Variants in OPRM1 observed in about 807,000 individuals in gnomAD.
OPRM1 encodes the protein opioid receptor mu 1.
In OPRM1, 27 loss-of-function variants were observed where a neutral mutation model predicts 31.8. The observed-to-expected ratio is 0.85, with a 90% CI of 0.63 to 1.17. The LOEUF (loss-of-function observed/expected upper bound fraction) is 1.17, where lower values mean the gene tolerates loss of function less well. OPRM1 is among the 50% of genes most tolerant of loss of function. The probability of loss-of-function intolerance (pLI) is 0.00; values close to 1 mark genes in which losing one functional copy is unlikely to be tolerated. For missense variants in OPRM1, 536 were observed against 511.1 expected (o/e 1.05, Z -0.47); for synonymous variants, 196 against 189.9 (o/e 1.03, Z -0.26).
chr6:154,082,382 A>G (rs890590316), intron 1 of OPRM1, among the ~76,000 whole-genome samples: 5 of 152,190 alleles, frequency 3.3e-5, no homozygotes, highest in African/African-American at 1.2e-4. Context: ...CATTACCAAA[A>G]GTGTATATTA....
rs372250039 is a variant in OPRM1, at chr6:154,184,045, CT to C, written c.1165-62647del. On this transcript the variant is annotated intron_variant, in intron 3 of 3. Coordinates refer to the OPRM1 transcript ENST00000337049. ...GTCACTATGCTGCATATTCGATCCC[CT>C]GAGCTTATTCATTTTATAGCTGAAA... 5.9e-3 allele frequency among the ~76,000 whole-genome samples: 902 copies of C among 152,224 alleles called. 12 individuals carry two copies. The highest frequency in any genetic ancestry group is 0.021 in the African/African-American group (862 of 41,570).
chr6:154,024,183 A>C (rs1452493565), intron 1 of OPRM1, among the ~76,000 whole-genome samples: 2 of 151,886 alleles, frequency 1.3e-5, no homozygotes, highest in African/African-American at 4.8e-5. Flanking sequence ...GCTTTTCTTT[A>C]CCGGGAGAAC....
At chr6:154,246,865 AC>A in exon 4 of OPRM1, 4 of 1,254,910 alleles carry the variant, frequency 3.2e-6, no homozygotes, top group South Asian at 2.2e-5. Context: ...TTAATTGTTA[AC>A]CCCCCGGGGA....
chr6:154,240,948 ATAGT>A (rs1269428044), intron 3 of OPRM1, among the ~76,000 whole-genome samples: 1 of 152,114 alleles, frequency 6.6e-6, no homozygotes, highest in African/African-American at 2.4e-5. Context: ...TATGAAATAG[ATAGT>A]TGGGGCCAGG....
chr6:154,089,794 C>G, intron 1 of OPRM1, 32 bp from the exon 2 acceptor site: 1 of 1,475,308 alleles, frequency 6.8e-7, no homozygotes, highest in African/African-American at 1.4e-5. Context: ...GTGTCTTTTA[C>G]TGATTCTCAC....
intron 3 of OPRM1, among the ~76,000 whole-genome samples, chr6:154,175,625 G>A (rs1381249007): frequency 6.6e-6 from 1 of 152,140 alleles, no homozygotes; most frequent in Non-Finnish European, 1.5e-5. Flanking sequence ...AAACCAGGAA[G>A]AAGTTGAATC....
Position 154,090,163 on chromosome 6 carries a change from A to C in OPRM1, c.628A>C (p.Thr210Pro), listed in dbSNP as rs370533711. The C allele has an allele frequency of 1.9e-6, 3 of 1,611,544 alleles. No individual in the cohort carries two copies. In the South Asian group the frequency reaches 3.3e-5, roughly 18 times the overall value. Residue 210 changes from threonine to proline, a missense_variant, in exon 2 of 4, where the codon ACA (threonine) becomes CCA (proline). Thr to Pro is a conservative substitution (Grantham distance 38, BLOSUM62 -1). Transcript: ENST00000330432. ...IGLPVMFMAT[T>P]KYRQGSIDCT... ...TCTTCCTGTAATGTTCATGGCTACA[A>C]CAAAATACAGGCAAGGTGAGTGATG... is the stretch of plus-strand genomic sequence containing the variant.
At chr6:154,054,301 G>A (rs1009085660) in intron 1 of OPRM1, among the ~76,000 whole-genome samples, 4 of 150,880 alleles carry the variant, frequency 2.7e-5, no homozygotes, top group East Asian at 2.0e-4. Flanking sequence ...CCCGGGAGGC[G>A]GAGCTTGTAG....
At chr6:154,153,323 A>G (rs2128542508) in intron 3 of OPRM1, among the ~76,000 whole-genome samples, 1 of 152,280 alleles carries the variant, frequency 6.6e-6, no homozygotes, top group East Asian at 1.9e-4. Context: ...TAGGCTGCAA[A>G]TCAACTGACC....
Position 154,152,296 on chromosome 6 carries a change from G to GAAGA in OPRM1, c.1164+60872_1164+60875dup, listed in dbSNP as rs1165338713. Among the ~76,000 whole-genome samples, 73 of 96,598 alleles carry GAAGA rather than the reference G, an allele frequency of 7.6e-4. 1 individual carries two copies. Among genetic ancestry groups the GAAGA allele is most frequent in the African/African-American group, 1.6e-3 (37 of 23,692 alleles). The allele number at this position is 96,598 out of a possible 152,430, so 63.4% of individuals were successfully genotyped here. A position where few individuals can be genotyped will look rare whatever the true frequency, so the allele number is the denominator to read the frequency against. ...AAGAAAAGGAAAGAAAAGGAAGAGA[G>GAAGA]AAGAAAGAAAGAAAGAAAGAAAGAA... On this transcript the variant is annotated intron_variant, in intron 3 of 3. Transcript: ENST00000337049.
chr6:154,177,910 CTAGA>C (rs1255870834), intron 3 of OPRM1, among the ~76,000 whole-genome samples: 13 of 152,120 alleles, frequency 8.5e-5, no homozygotes, highest in African/African-American at 2.9e-4. Flanking sequence ...CAATAATAGA[CTAGA>C]TAAAGACAAT....
At chr6:154,159,731 G>A in intron 3 of OPRM1, 2 of 883,528 alleles carry the variant, frequency 2.3e-6, no homozygotes, top group Non-Finnish European at 3.6e-6. Flanking sequence ...TGAAGGACTG[G>A]GTTTCAGTTT....
At chr6:154,017,440 G>A (rs1049602730) in intron 1 of OPRM1, among the ~76,000 whole-genome samples, 3 of 152,072 alleles carry the variant, frequency 2.0e-5, no homozygotes, top group South Asian at 2.1e-4. Flanking sequence ...GGGCACAGGC[G>A]TACATGAGAT....
intron 3 of OPRM1, among the ~76,000 whole-genome samples, chr6:154,185,471 G>A (rs1215434336): frequency 6.6e-6 from 1 of 152,132 alleles, no homozygotes; most frequent in Admixed American, 6.5e-5. Context: ...TTACAAATCA[G>A]TTCAGTGTTA....
At chr6:154,134,039 G>A (rs145250684), downstream of OPRM1, among the ~76,000 whole-genome samples, 9 of 152,204 alleles carry the variant, frequency 5.9e-5, no homozygotes, top group African/African-American at 1.9e-4. Context: ...AAAAACTTTG[G>A]CTGTCATTTA....
In OPRM1 at chr6:154,228,403, A is replaced by G. The variant is rs116375125; in HGVS notation, c.1165-18290A>G. 6.1e-3 allele frequency among the ~76,000 whole-genome samples: 935 copies of G among 152,326 alleles called. 8 individuals carry two copies. Among genetic ancestry groups the G allele is most frequent in the African/African-American group, 0.021 (859 of 41,570 alleles). On this transcript the variant is annotated intron_variant, in intron 3 of 3. Transcript: ENST00000337049. The stretch of plus-strand genomic sequence containing the variant: ...AAAAACTTGTTCTCCTGCCAGAGGT[A>G]TCAAACCCATCGTTTGGCCATTGTA...
chr6:154,057,231 T>C (rs1216114848), intron 1 of OPRM1, among the ~76,000 whole-genome samples: 2 of 152,194 alleles, frequency 1.3e-5, no homozygotes, highest in African/African-American at 4.8e-5. Flanking sequence ...AGAATAAACA[T>C]GAACTACGTT....
chr6:154,058,708 A>G (rs1783818908), intron 1 of OPRM1, among the ~76,000 whole-genome samples: 1 of 152,200 alleles, frequency 6.6e-6, no homozygotes, highest in Admixed American at 6.6e-5. Flanking sequence ...CATCATCACC[A>G]TCTTCATTAT....
intron 1 of OPRM1, among the ~76,000 whole-genome samples, chr6:154,030,212 G>A (rs1166823250): frequency 2.0e-5 from 3 of 147,786 alleles, no homozygotes; most frequent in Admixed American, 1.3e-4. Flanking sequence ...GTGCATTTAC[G>A]TTTAAGAAGA....
Sources: allele counts gnomAD v4.1 joint callset (sites outside exome capture counted in the v4.1 genomes callset), GRCh38; gene constraint gnomAD v4.1.1; transcripts MANE v1.5; gene names NCBI Gene and HGNC (gene_info 2026-07-23, HGNC 2026-07-21).